The following NMU variants were observed in gnomAD, a reference collection of about 807,000 sequenced individuals.
NMU encodes neuromedin U.
Under a neutral mutation model 35.4 loss-of-function variants are expected in NMU, and 29 were observed. The observed-to-expected ratio is 0.82, with a 90% CI of 0.61 to 1.12. The LOEUF (loss-of-function observed/expected upper bound fraction) is 1.12, where lower values mean the gene tolerates loss of function less well. NMU is among the 50% of genes most tolerant of loss of function. The pLI, the probability that NMU is intolerant of heterozygous loss-of-function variation, is 0.00. For missense variants in NMU, 199 were observed against 206.2 expected, an observed-to-expected ratio of 0.97 and a Z score of 0.21; for synonymous variants, 78 against 81.3, an observed-to-expected ratio of 0.96 and a Z score of 0.22.
intron 2 of NMU, among the ~76,000 whole-genome samples, chr4:55,628,900 A>G (rs1174364158): frequency 6.6e-6 from 1 of 152,098 alleles, no homozygotes; most frequent in Non-Finnish European, 1.5e-5. Context: ...TCTTCTCCCC[A>G]ATAAATATAT....
intron 2 of NMU, among the ~76,000 whole-genome samples, chr4:55,627,755 TA>T (rs1734591827): frequency 6.6e-6 from 1 of 152,212 alleles, no homozygotes; most frequent in Non-Finnish European, 1.5e-5. Flanking sequence ...CGAGTTCTAA[TA>T]GTTCAAGAGC....
At position 55,631,851 on chromosome 4, in the gene NMU, G is replaced by A. The variant is rs574290024; in HGVS notation, c.113-1391C>T. 4.9e-5 allele frequency among the ~76,000 whole-genome samples: 6 copies of A among 122,878 alleles called. No homozygotes were observed. The East Asian group carries it at 1.3e-3, about 27-fold the overall frequency. 80.6% of individuals were successfully genotyped at this position (122,878 alleles called of 152,430 possible). A position where few individuals can be genotyped will look rare whatever the true frequency, so the allele number is the denominator to read the frequency against. On this transcript the variant is annotated intron_variant, in intron 1 of 9. Coordinates refer to ENST00000264218, the MANE Select transcript of NMU (RefSeq NM_006681.4). Reference sequence around the variant, plus strand: ...GGAAAAGAAGTCATTATATGAAAAAGACACATGCACACACATGTTTATAGC... The same window carrying A: ...GGAAAAGAAGTCATTATATGAAAAAAACACATGCACACACATGTTTATAGC...
Position 55,618,687 on chromosome 4 carries a change from TTTCTTCTCTCTC to T in NMU, c.172-2314_172-2303del, listed in dbSNP as rs1438463127. 2.4e-4 allele frequency among the ~76,000 whole-genome samples: 31 copies of T among 128,304 alleles called. 1 individual carries two copies. The highest frequency in any genetic ancestry group is 7.6e-4 in the African/African-American group (28 of 36,706). The allele number at this position is 128,304 out of a possible 152,430, so 84.2% of individuals were successfully genotyped here. A position where few individuals can be genotyped will look rare whatever the true frequency, so the allele number is the denominator to read the frequency against. On this transcript the variant is annotated intron_variant, in intron 2 of 9. Coordinates refer to ENST00000264218, the MANE Select transcript of NMU (RefSeq NM_006681.4). Reference sequence around the variant, plus strand: ...CTTCTCTCTCTTCCTTTCTTCTCTCTTTCTTCTCTCTCTTCTTTCTTTTTCTTTCTTCTCTCT... The same window carrying T: ...CTTCTCTCTCTTCCTTTCTTCTCTCTTTCTTTCTTTTTCTTTCTTCTCTCT...
intron 9 of NMU, among the ~76,000 whole-genome samples, chr4:55,596,981 A>C (rs924029444): frequency 6.6e-6 from 1 of 152,184 alleles, no homozygotes; most frequent in Non-Finnish European, 1.5e-5. Flanking sequence ...TACCAAAAGC[A>C]TCTGTTGAGA....
intron 6 of NMU, among the ~76,000 whole-genome samples, chr4:55,605,716 A>G (rs1231867811): frequency 3.3e-5 from 5 of 152,240 alleles, no homozygotes; most frequent in African/African-American, 1.2e-4. Context: ...GGACCAGGCG[A>G]AACCCACACT....
At chr4:55,612,182 A>G (rs986995906) in intron 3 of NMU, among the ~76,000 whole-genome samples, 2 of 152,238 alleles carry the variant, frequency 1.3e-5, no homozygotes, top group Non-Finnish European at 2.9e-5. Flanking sequence ...TAAAATCCCT[A>G]TAACTTCCCT....
intron 7 of NMU, among the ~76,000 whole-genome samples, chr4:55,601,407 C>G (rs1439745170): frequency 6.6e-6 from 1 of 151,964 alleles, no homozygotes; most frequent in Non-Finnish European, 1.5e-5. Flanking sequence ...AGAAATGGCT[C>G]TGATGTATGT....
At chr4:55,618,329 C>A (rs1008071034) in intron 2 of NMU, among the ~76,000 whole-genome samples, 1 of 152,042 alleles carries the variant, frequency 6.6e-6, no homozygotes, top group Non-Finnish European at 1.5e-5. Context: ...TTTTAAGCCC[C>A]GCATGCATTA....
intron 9 of NMU, 65 bp downstream of exon 9, chr4:55,599,077 A>G (rs1733319132): frequency 9.5e-6 from 10 of 1,047,994 alleles, no homozygotes; most frequent in Non-Finnish European, 1.4e-5. Context: ...CAAATGTCAA[A>G]CTGTGTTGAA....
chr4:55,614,076 G>A (rs1734028845), intron 3 of NMU, among the ~76,000 whole-genome samples: 1 of 152,140 alleles, frequency 6.6e-6, no homozygotes, highest in Admixed American at 6.6e-5. Flanking sequence ...TATTTCTAGG[G>A]AAGGGACTTG....
chr4:55,630,281 G>A, intron 2 of NMU, 121 bp downstream of exon 2: 2 of 801,346 alleles, frequency 2.5e-6, no homozygotes, highest in Non-Finnish European at 4.1e-6. Context: ...AGTAATTCTG[G>A]GTTTTATTAT....
intron 3 of NMU, among the ~76,000 whole-genome samples, chr4:55,610,450 G>A (rs897348304): frequency 6.7e-6 from 1 of 150,056 alleles, no homozygotes; most frequent in Non-Finnish European, 1.5e-5. Context: ...GTGATGGAGT[G>A]AGACTCTGTC....
chr4:55,634,020 A>G (rs138066885), intron 1 of NMU, among the ~76,000 whole-genome samples: 3 of 152,234 alleles, frequency 2.0e-5, no homozygotes, highest in East Asian at 3.9e-4. Context: ...TGGCCATTGT[A>G]TGCTCTAATT....
chr4:55,602,484 T>C (rs953564577), intron 7 of NMU, among the ~76,000 whole-genome samples: 3 of 152,250 alleles, frequency 2.0e-5, no homozygotes, highest in Middle Eastern at 3.4e-3. Context: ...AGATGGAAAA[T>C]TCAGTCAATG....
At chr4:55,618,899 T>C (rs1417410057) in intron 2 of NMU, among the ~76,000 whole-genome samples, 1 of 149,026 alleles carries the variant, frequency 6.7e-6, no homozygotes, top group East Asian at 1.9e-4. Flanking sequence ...TTTTTTTTTG[T>C]CTGGCTGTCA....
intron 9 of NMU, among the ~76,000 whole-genome samples, chr4:55,595,831 G>C (rs1733159942): frequency 6.6e-6 from 1 of 151,746 alleles, no homozygotes; most frequent in Non-Finnish European, 1.5e-5. Flanking sequence ...AGTAGAGACA[G>C]AGTTTCACCA....
At chr4:55,630,561 T>C in intron 1 of NMU, 101 bp from the exon 2 acceptor site, 1 of 873,040 alleles carries the variant, frequency 1.1e-6, no homozygotes, top group South Asian at 1.4e-5. Flanking sequence ...CATTTTTCAC[T>C]GTACATCATC....
chr4:55,630,032 C>A (rs1275596662), intron 2 of NMU, among the ~76,000 whole-genome samples: 2 of 88,852 alleles, frequency 2.3e-5, no homozygotes, highest in Non-Finnish European at 4.5e-5. Flanking sequence ...ATTTTCCATC[C>A]TTTTATACTT....
At chr4:55,612,967 A>C (rs10029142) in intron 3 of NMU, among the ~76,000 whole-genome samples, 1 of 152,010 alleles carries the variant, frequency 6.6e-6, no homozygotes, top group African/African-American at 2.4e-5. Context: ...CGAATACTAC[A>C]CAGCCATAAA....
Sources: allele counts gnomAD v4.1 joint callset (sites outside exome capture counted in the v4.1 genomes callset), GRCh38; gene constraint gnomAD v4.1.1; transcripts MANE v1.5; gene names NCBI Gene and HGNC (gene_info 2026-07-23, HGNC 2026-07-21).